Variants in ARHGAP12 observed in about 807,000 individuals in gnomAD.
ARHGAP12 encodes rho GTPase-activating protein 12.
A neutral mutation model predicts 108.6 loss-of-function variants in ARHGAP12; 64 were observed. The ratio of observed to expected loss-of-function variants is 0.59; its 90% confidence interval spans 0.48 to 0.73. The LOEUF is 0.73. ARHGAP12 is among the 30% of genes least tolerant of loss of function. The pLI is 0.00. For synonymous variants in ARHGAP12, 312 were observed against 337.2 expected, an observed-to-expected ratio of 0.93 and a Z score of 0.82; for missense variants, 940 against 1,005.9, an observed-to-expected ratio of 0.93 and a Z score of 0.89.
At chr10:31,917,632 T>C (rs1322386851) in intron 1 of ARHGAP12, among the ~76,000 whole-genome samples, 1 of 152,178 alleles carries the variant, frequency 6.6e-6, no homozygotes, top group Non-Finnish European at 1.5e-5. Context: ...CTTGCATGTG[T>C]TTACCAATCC....
At chr10:31,928,255 C>A (rs1840143144) in intron 1 of ARHGAP12, among the ~76,000 whole-genome samples, 1 of 151,666 alleles carries the variant, frequency 6.6e-6, no homozygotes, top group Non-Finnish European at 1.5e-5. Flanking sequence ...CATAGACACG[C>A]ACACACCCGC....
chr10:31,874,275 CTTTT>C (rs1837644704), intron 3 of ARHGAP12, among the ~76,000 whole-genome samples: 1 of 152,114 alleles, frequency 6.6e-6, no homozygotes, highest in Non-Finnish European at 1.5e-5. Context: ...ACTGAATATT[CTTTT>C]TTTGTTTAAT....
chr10:31,807,787 T>C lies in ARHGAP12; in HGVS notation c.2412A>G (p.Ile804Met). ...GEKNRMTYQS[I>M]AIVFGPTLLK... ...ATAGAGTGGGACCAAAAACAATTGC[T>C]ATACTCTGATAGGTCATTCGATTTT... Residue 804 changes from isoleucine to methionine, a missense_variant, in exon 20 of 20, where the codon ATA (isoleucine) becomes ATG (methionine). Transcript: ENST00000344936. 2 of 1,592,924 alleles carry C rather than the reference T, an allele frequency of 1.3e-6. No individual in the cohort carries two copies. Among genetic ancestry groups the C allele is most frequent in the South Asian group, 2.3e-5 (2 of 86,748 alleles).
intron 14 of ARHGAP12, among the ~76,000 whole-genome samples, chr10:31,813,998 C>T (rs1306893761): frequency 6.6e-6 from 1 of 152,128 alleles, no homozygotes; most frequent in Non-Finnish European, 1.5e-5. Context: ...AACAGAAATG[C>T]ACTATACTTC....
intron 12 of ARHGAP12, among the ~76,000 whole-genome samples, chr10:31,819,004 G>A (rs1835311958): frequency 6.6e-6 from 1 of 151,926 alleles, no homozygotes; most frequent in African/African-American, 2.4e-5. Flanking sequence ...AAGATACTCT[G>A]CTCTGTTATA....
At chr10:31,879,451 C>CA (rs1341907888) in intron 3 of ARHGAP12, among the ~76,000 whole-genome samples, 1 of 152,048 alleles carries the variant, frequency 6.6e-6, no homozygotes, top group African/African-American at 2.4e-5. Flanking sequence ...ATGATTATCA[C>CA]AAAAAACTTG....
intron 1 of ARHGAP12, among the ~76,000 whole-genome samples, chr10:31,926,098 A>G (rs1008453188): frequency 6.6e-6 from 1 of 152,214 alleles, no homozygotes; most frequent in Admixed American, 6.5e-5. Flanking sequence ...GACCAAGTGG[A>G]TATTAGAAGT....
chr10:31,886,775 C>T (rs186439379), intron 3 of ARHGAP12, among the ~76,000 whole-genome samples: 7 of 152,244 alleles, frequency 4.6e-5, no homozygotes, highest in Non-Finnish European at 5.9e-5. Flanking sequence ...TACTACCCTG[C>T]ACATCTCACA....
intron 1 of ARHGAP12, among the ~76,000 whole-genome samples, chr10:31,925,458 A>G (rs1839995533): frequency 6.6e-6 from 1 of 152,218 alleles, no homozygotes; most frequent in Non-Finnish European, 1.5e-5. Context: ...TTATGTTAGT[A>G]TGGTACATTT....
intron 6 of ARHGAP12, among the ~76,000 whole-genome samples, 192 bp downstream of exon 6, chr10:31,852,325 G>C (rs1271203771): frequency 1.3e-5 from 2 of 152,084 alleles, no homozygotes; most frequent in East Asian, 3.9e-4. Flanking sequence ...GCAACAATCA[G>C]TATCACATAG....
In ARHGAP12 at chr10:31,867,398, T is replaced by C. The variant is rs1242763719; in HGVS notation, c.685-5740A>G. The stretch of plus-strand genomic sequence containing the variant: ...AAAAATTCAAGGGAATTAACACTGA[T>C]TGATTACCAACAATTTTCCTCAAGC... On this transcript the variant is annotated intron_variant, in intron 3 of 19. Coordinates refer to ENST00000344936, the MANE Select transcript of ARHGAP12 (RefSeq NM_018287.7). 2.0e-5 allele frequency among the ~76,000 whole-genome samples: 3 copies of C among 152,182 alleles called. No homozygotes were observed. In the East Asian group the frequency reaches 5.8e-4, roughly 29 times the overall value.
chr10:31,899,137 G>T (rs1006517132), intron 3 of ARHGAP12, among the ~76,000 whole-genome samples: 5 of 152,214 alleles, frequency 3.3e-5, no homozygotes, highest in African/African-American at 1.2e-4. Flanking sequence ...TGGAGATAGA[G>T]AATAGATTAA....
At chr10:31,927,959 T>A (rs11008695) in intron 1 of ARHGAP12, among the ~76,000 whole-genome samples, 10 of 151,990 alleles carry the variant, frequency 6.6e-5, no homozygotes, top group Non-Finnish European at 1.3e-4. Flanking sequence ...TCCGCCCAGA[T>A]AAGCTGGAGG....
intron 15 of ARHGAP12, among the ~76,000 whole-genome samples, chr10:31,811,687 T>TTTTG (rs1410766028): frequency 2.0e-4 from 31 of 152,236 alleles, no homozygotes; most frequent in African/African-American, 6.7e-4. Flanking sequence ...TTTATTTTTT[T>TTTTG]TAAGACAGTC....
intron 3 of ARHGAP12, among the ~76,000 whole-genome samples, chr10:31,884,238 T>A (rs1467386354): frequency 6.6e-6 from 1 of 151,974 alleles, no homozygotes; most frequent in African/African-American, 2.4e-5. Flanking sequence ...AACTAAAAAA[T>A]TCTTAAATTA....
rs138298016 is a variant in ARHGAP12, at chr10:31,820,339, C to T, written c.1632+48G>A. On this transcript the variant is annotated intron_variant, in intron 12 of 19. Coordinates refer to ENST00000344936, the MANE Select transcript of ARHGAP12 (RefSeq NM_018287.7). Reference sequence around the variant, plus strand: ...AAAATAGCTCAAAAAACAGAACATCCAATTACTACAGTTTAGAATGTGTTA... The same window carrying T: ...AAAATAGCTCAAAAAACAGAACATCTAATTACTACAGTTTAGAATGTGTTA... The T allele has an allele frequency of 2.5e-3, 3,570 of 1,433,090 alleles. 155 individuals carry two copies. In the Admixed American group the frequency reaches 0.068, roughly 27 times the overall value. 88.8% of individuals were successfully genotyped at this position (1,433,090 alleles called of 1,614,324 possible). A position where few individuals can be genotyped will look rare whatever the true frequency, so the allele number is the denominator to read the frequency against.
At chr10:31,905,376 G>A (rs1358114796) in intron 3 of ARHGAP12, among the ~76,000 whole-genome samples, 4 of 152,146 alleles carry the variant, frequency 2.6e-5, no homozygotes, top group African/African-American at 9.7e-5. Context: ...GACTACAAGC[G>A]CACACTAAAA....
At chr10:31,890,651 T>C (rs1838387858) in intron 3 of ARHGAP12, among the ~76,000 whole-genome samples, 1 of 152,176 alleles carries the variant, frequency 6.6e-6, no homozygotes, top group African/African-American at 2.4e-5. Context: ...AAAAGATTTA[T>C]CAGCAGCAAG....
intron 1 of ARHGAP12, among the ~76,000 whole-genome samples, chr10:31,922,957 G>A (rs111707332): frequency 3.2e-4 from 49 of 151,862 alleles, no homozygotes; most frequent in African/African-American, 1.1e-3. Flanking sequence ...GCACGAACCC[G>A]TCTCTACAAA....
Sources: allele counts gnomAD v4.1 joint callset (sites outside exome capture counted in the v4.1 genomes callset), GRCh38; gene constraint gnomAD v4.1.1; transcripts MANE v1.5; gene names NCBI Gene and HGNC (gene_info 2026-07-23, HGNC 2026-07-21).